The following NKAIN2 variants were observed in gnomAD, a reference collection of about 807,000 sequenced individuals.
NKAIN2 encodes sodium/potassium-transporting ATPase subunit beta-1-interacting protein 2.
A neutral mutation model predicts 32.6 loss-of-function variants in NKAIN2; 14 were observed. The ratio of observed to expected loss-of-function variants is 0.43; its 90% CI spans 0.28 to 0.67. The LOEUF (loss-of-function observed/expected upper bound fraction) is 0.67. NKAIN2 is among the 30% of genes least tolerant of loss of function. The pLI is 0.17. For synonymous variants in NKAIN2, 80 were observed against 87.2 expected (o/e 0.92, Z 0.46); for missense variants, 198 against 258.3 (o/e 0.77, Z 1.60).
chr6:124,274,177 C>T (rs534535617), intron 1 of NKAIN2, among the ~76,000 whole-genome samples: 3 of 152,134 alleles, frequency 2.0e-5, no homozygotes, highest in Non-Finnish European at 4.4e-5. Flanking sequence ...ATTCTATTAA[C>T]TGCATTGATA....
At chr6:124,131,571 G>A (rs2114265188) in intron 1 of NKAIN2, among the ~76,000 whole-genome samples, 1 of 152,280 alleles carries the variant, frequency 6.6e-6, no homozygotes, top group African/African-American at 2.4e-5. Flanking sequence ...AGTGTGAGAA[G>A]GGAAAAACCT....
At chr6:124,610,159 A>T (rs547671871) in intron 3 of NKAIN2, among the ~76,000 whole-genome samples, 2 of 152,312 alleles carry the variant, frequency 1.3e-5, no homozygotes, top group East Asian at 3.9e-4. Context: ...ACAAATGCTT[A>T]TGACAATGTA....
At chr6:124,688,883 G>C (rs892449038) in intron 4 of NKAIN2, among the ~76,000 whole-genome samples, 1 of 152,046 alleles carries the variant, frequency 6.6e-6, no homozygotes, top group Non-Finnish European at 1.5e-5. Context: ...ACCTCCTAAA[G>C]AACAACTTGG....
intron 3 of NKAIN2, among the ~76,000 whole-genome samples, chr6:124,489,885 A>G (rs1777794034): frequency 6.6e-6 from 1 of 151,824 alleles, no homozygotes; most frequent in African/African-American, 2.4e-5. Flanking sequence ...TCCATAAGAA[A>G]TAGTAAGTAG....
chr6:124,742,082 C>A (rs1777239546), intron 4 of NKAIN2, among the ~76,000 whole-genome samples: 1 of 151,882 alleles, frequency 6.6e-6, no homozygotes, highest in African/African-American at 2.4e-5. Flanking sequence ...CCATAACATG[C>A]AGCAAACAAT....
At chr6:124,391,792 A>G (rs1773153787) in intron 3 of NKAIN2, among the ~76,000 whole-genome samples, 1 of 152,098 alleles carries the variant, frequency 6.6e-6, no homozygotes. Context: ...CAAAACTTGA[A>G]CTTCTTGTGA....
intron 3 of NKAIN2, among the ~76,000 whole-genome samples, chr6:124,440,355 G>A (rs1216006005): frequency 1.3e-5 from 2 of 152,022 alleles, no homozygotes; most frequent in African/African-American, 4.8e-5. Flanking sequence ...ATAGACTTAA[G>A]CTCCTTTTGC....
intron 1 of NKAIN2, among the ~76,000 whole-genome samples, chr6:124,245,366 G>A (rs367969058): frequency 7.9e-5 from 12 of 152,158 alleles, no homozygotes; most frequent in African/African-American, 2.9e-4. Flanking sequence ...GGCAATTTAT[G>A]CCAATTCCAT....
chr6:124,466,243 G>A (rs519959), intron 3 of NKAIN2, among the ~76,000 whole-genome samples: 117,522 of 152,032 alleles, frequency 0.77, 45,541 homozygotes, highest in African/African-American at 0.8. Context: ...CAACCATGAC[G>A]TTATAACTCT....
chr6:124,707,930 G>A (rs1234214287), intron 4 of NKAIN2, among the ~76,000 whole-genome samples: 1 of 151,784 alleles, frequency 6.6e-6, no homozygotes, highest in East Asian at 1.9e-4. Flanking sequence ...CCTATGTCCT[G>A]AATGGTAATG....
chr6:124,804,909 A>G (rs1039062270), intron 5 of NKAIN2, among the ~76,000 whole-genome samples: 2 of 152,148 alleles, frequency 1.3e-5, no homozygotes, highest in African/African-American at 4.8e-5. Context: ...GCAGTCTGAG[A>G]TCAAACTGCA....
intron 5 of NKAIN2, among the ~76,000 whole-genome samples, chr6:124,793,678 T>TTA (rs1562386739): frequency 0.021 from 1,209 of 57,396 alleles, 24 homozygotes; most frequent in East Asian, 0.13. Context: ...GACATACTGC[T>TTA]CAAAAAAAAA....
chr6:124,268,360 G>A (rs1044769102), intron 1 of NKAIN2, among the ~76,000 whole-genome samples: 4 of 152,042 alleles, frequency 2.6e-5, no homozygotes, highest in East Asian at 1.9e-4. Context: ...AAGCAAATTG[G>A]ACCCCTTAAA....
intron 1 of NKAIN2, among the ~76,000 whole-genome samples, chr6:123,925,459 A>G (rs1381729756): frequency 1.3e-5 from 2 of 152,200 alleles, no homozygotes; most frequent in Non-Finnish European, 2.9e-5. Flanking sequence ...CTGCTTATGA[A>G]TAGACTCTGA....
chr6:123,816,096 G>A (rs372136171), intron 1 of NKAIN2, among the ~76,000 whole-genome samples: 1 of 152,148 alleles, frequency 6.6e-6, no homozygotes, highest in Admixed American at 6.5e-5. Context: ...TTGCAAAAAA[G>A]AGTATCCCAG....
chr6:123,847,215 A>G (rs1324814665), intron 1 of NKAIN2, among the ~76,000 whole-genome samples: 2 of 152,216 alleles, frequency 1.3e-5, no homozygotes, highest in East Asian at 1.9e-4. Flanking sequence ...TTTTTATCAC[A>G]AGCTGACTTT....
intron 1 of NKAIN2, among the ~76,000 whole-genome samples, chr6:123,989,749 A>G (rs894741601): frequency 5.3e-5 from 8 of 152,316 alleles, no homozygotes; most frequent in Middle Eastern, 3.4e-3. Context: ...TTTAGATACA[A>G]TTCCTTGTTG....
At chr6:123,844,656 T>C (rs1305835204) in intron 1 of NKAIN2, among the ~76,000 whole-genome samples, 1 of 152,212 alleles carries the variant, frequency 6.6e-6, no homozygotes, top group African/African-American at 2.4e-5. Flanking sequence ...CATATGTGCT[T>C]CTTCACAAAT....
intron 3 of NKAIN2, among the ~76,000 whole-genome samples, chr6:124,531,981 T>C (rs979037184): frequency 6.6e-6 from 1 of 152,184 alleles, no homozygotes; most frequent in East Asian, 1.9e-4. Flanking sequence ...TATAAGTCAC[T>C]TTTAAAGTCT....
Sources: gnomAD v4.1 joint callset for allele counts (sites outside exome capture counted in the v4.1 genomes callset) on GRCh38, gnomAD v4.1.1 for gene constraint, MANE v1.5 for transcripts, NCBI Gene and HGNC (gene_info 2026-07-23, HGNC 2026-07-21) for gene names.